Variants in TMEM164 observed in about 807,000 individuals in gnomAD.
The protein encoded by TMEM164 is RP13-360B22.2.
A neutral mutation model predicts 18.8 loss-of-function variants in TMEM164; 4 were observed. That is an observed-to-expected ratio of 0.21 (90% confidence interval 0.10 to 0.49). The LOEUF is 0.49. Among genes scored for constraint, TMEM164 ranks in the 20% least tolerant of loss-of-function variants. The pLI is 0.98. For missense variants in TMEM164, 108 were observed against 239.9 expected (o/e 0.45, Z 3.63); for synonymous variants, 86 against 101.7 (o/e 0.85, Z 0.93).
At chrX:110,067,158 A>G (rs1273405578) in intron 2 of TMEM164, among the ~76,000 whole-genome samples, 189 bp from the exon 3 acceptor site, 8 of 110,474 alleles carry the variant, frequency 7.2e-5, no homozygotes, top group South Asian at 3.8e-4. Flanking sequence ...GTGTGCGCAC[A>G]CACACACACA....
chrX:110,125,259 G>A (rs756387200), intron 4 of TMEM164, among the ~76,000 whole-genome samples: 1 of 112,137 alleles, frequency 8.9e-6, no homozygotes, highest in South Asian at 3.7e-4. Flanking sequence ...TGCTATTAAG[G>A]TGCTTTTGAG....
intron 4 of TMEM164, among the ~76,000 whole-genome samples, chrX:110,116,433 G>A (rs1483231919): frequency 1.8e-5 from 2 of 111,727 alleles, no homozygotes; most frequent in Non-Finnish European, 3.8e-5. Context: ...CTTGAGGGAT[G>A]GTTAGAATGT....
chrX:110,159,981 T>C (rs1391764197), intron 5 of TMEM164, among the ~76,000 whole-genome samples: 1 of 110,522 alleles, frequency 9.0e-6, no homozygotes, highest in Non-Finnish European at 1.9e-5. Context: ...CTTCCAGAGG[T>C]TCTAGTGGGA....
intron 2 of TMEM164, among the ~76,000 whole-genome samples, chrX:110,063,000 G>A (rs1936183265): frequency 9.0e-6 from 1 of 111,551 alleles, no homozygotes; most frequent in Non-Finnish European, 1.9e-5. Flanking sequence ...AGTAGATGGA[G>A]TCATAGGACC....
In TMEM164 at chrX:110,176,436, C is replaced by G. The variant is rs1182697851; in HGVS notation, c.*2985C>G. 11 of 754,907 alleles carry G rather than the reference C, an allele frequency of 1.5e-5. No individual in the cohort carries two copies. Among genetic ancestry groups the G allele is most frequent in the Non-Finnish European group, 1.6e-5 (10 of 638,001 alleles). The allele number at this position is 754,907 out of a possible 1,213,427, so 62.2% of individuals were successfully genotyped here. A position where few individuals can be genotyped will look rare whatever the true frequency, so the allele number is the denominator to read the frequency against. ...TTCTGAAGCCACAGACTCAGTCTCC[C>G]CAAGTCAGCAATCTCTTTCTCTCTC... On this transcript the variant is annotated 3_prime_UTR_variant, in exon 7 of 7. Coordinates refer to ENST00000372068, the MANE Select transcript of TMEM164 (RefSeq NM_032227.4).
At chrX:110,142,705 T>G (rs2066787874) in intron 4 of TMEM164, among the ~76,000 whole-genome samples, 1 of 113,401 alleles carries the variant, frequency 8.8e-6, no homozygotes. Flanking sequence ...CTTACTTTCA[T>G]TTTACCGATG....
downstream of TMEM164, among the ~76,000 whole-genome samples, chrX:110,183,136 C>T (rs2067329606): frequency 8.9e-6 from 1 of 112,321 alleles, no homozygotes; most frequent in Non-Finnish European, 1.9e-5. Flanking sequence ...GGCGGTCCTC[C>T]CCTGACTAGA....
chrX:110,177,779 T>C lies in TMEM164; in HGVS notation c.*4328T>C, dbSNP rs2067306241. ...TTCTTCATTTACTGTTATTAAAAGA[T>C]TTATGAGAACCCAGGAGTCCTGGCC... On this transcript the variant is annotated 3_prime_UTR_variant, in exon 7 of 7. Coordinates refer to ENST00000372068, the MANE Select transcript of TMEM164 (RefSeq NM_032227.4). 8.9e-6 allele frequency: 1 copy of C among 112,045 alleles called. No individual in the cohort carries two copies. The highest frequency in any genetic ancestry group is 1.9e-5 in the Non-Finnish European group (1 of 53,181). The allele number at this position is 112,045 out of a possible 1,213,427, so 9.2% of individuals were successfully genotyped here.
chrX:110,129,898 C>T (rs912333976), intron 4 of TMEM164, among the ~76,000 whole-genome samples: 3 of 112,535 alleles, frequency 2.7e-5, no homozygotes, highest in African/African-American at 9.7e-5. Context: ...TGGCCTTCAG[C>T]CCTTGGAACA....
intron 3 of TMEM164, among the ~76,000 whole-genome samples, chrX:110,076,109 T>C (rs2065669000): frequency 2.7e-5 from 3 of 109,229 alleles, no homozygotes; most frequent in Non-Finnish European, 5.7e-5. Context: ...CATGGCTTTT[T>C]TTGGTTGGTA....
At chrX:110,117,269 T>C (rs1484807812) in intron 4 of TMEM164, among the ~76,000 whole-genome samples, 2 of 112,169 alleles carry the variant, frequency 1.8e-5, no homozygotes, top group African/African-American at 6.5e-5. Flanking sequence ...GAAGGTTTGG[T>C]CTTCTTCTCT....
At chrX:110,088,684 G>C (rs73636938) in intron 3 of TMEM164, among the ~76,000 whole-genome samples, 7,801 of 111,663 alleles carry the variant, frequency 0.07, 631 homozygotes, top group African/African-American at 0.23. Flanking sequence ...AAGATGCTTT[G>C]GGGTTGTTCA....
chrX:110,035,444 T>A (rs1934746499), intron 2 of TMEM164, among the ~76,000 whole-genome samples: 1 of 110,591 alleles, frequency 9.0e-6, no homozygotes, highest in Non-Finnish European at 1.9e-5. Context: ...GCATAACTCT[T>A]AATGCCTATG....
At chrX:110,089,792 A>G (rs1478601090) in intron 3 of TMEM164, among the ~76,000 whole-genome samples, 2 of 111,802 alleles carry the variant, frequency 1.8e-5, no homozygotes, top group East Asian at 2.8e-4. Flanking sequence ...CTTAGCTTCC[A>G]TTTCCTCATT....
At chrX:110,151,519 G>A (rs1004442113) in intron 5 of TMEM164, among the ~76,000 whole-genome samples, 3 of 112,045 alleles carry the variant, frequency 2.7e-5, no homozygotes, top group African/African-American at 9.8e-5. Context: ...GGTGGCTCAA[G>A]CCTGTAATCC....
chrX:110,084,827 G>A (rs985714599), intron 3 of TMEM164, among the ~76,000 whole-genome samples: 3 of 109,508 alleles, frequency 2.7e-5, no homozygotes, highest in African/African-American at 1.0e-4. Flanking sequence ...CCTCAGATTT[G>A]GCTTCCATAC....
At chrX:110,178,055 C>T (rs910080721), downstream of TMEM164, among the ~76,000 whole-genome samples, 6 of 112,311 alleles carry the variant, frequency 5.3e-5, no homozygotes, top group African/African-American at 1.6e-4. Flanking sequence ...CTCTGGTACC[C>T]AAAGTGCATT....
chrX:110,064,676 G>T (rs1010416207), intron 2 of TMEM164, among the ~76,000 whole-genome samples: 2 of 110,406 alleles, frequency 1.8e-5, no homozygotes, highest in African/African-American at 6.6e-5. Context: ...CAAGTCAGCA[G>T]ATTTGAAAAA....
At chrX:110,121,077 A>C (rs1295847954) in intron 4 of TMEM164, among the ~76,000 whole-genome samples, 1 of 112,560 alleles carries the variant, frequency 8.9e-6, no homozygotes, top group Non-Finnish European at 1.9e-5. Flanking sequence ...AAAGATACCA[A>C]AAGATAACAA....
Sources: allele counts gnomAD v4.1 joint callset (sites outside exome capture counted in the v4.1 genomes callset), GRCh38; gene constraint gnomAD v4.1.1; transcripts MANE v1.5; gene names NCBI Gene and HGNC (gene_info 2026-07-23, HGNC 2026-07-21).